The following PTPRD variants were observed in gnomAD, a reference collection of about 807,000 sequenced individuals.
PTPRD encodes protein tyrosine phosphatase receptor type D, also known as receptor-type tyrosine-protein phosphatase delta.
PTPRD carries 34 observed loss-of-function variants against 214.5 expected under a neutral mutation model. That is an observed-to-expected ratio of 0.16 (90% CI 0.12 to 0.21). PTPRD has a LOEUF of 0.21. Ranked by LOEUF, PTPRD falls within the 10% of genes least tolerant of loss-of-function variation. The pLI, the probability that PTPRD is intolerant of heterozygous loss-of-function variation, is 1.00. For synonymous variants in PTPRD, 1,128 were observed against 845.7 expected, an observed-to-expected ratio of 1.33 and a Z score of -5.79; for missense variants, 2,545 against 2,398.7, an observed-to-expected ratio of 1.06 and a Z score of -1.27.
chr9:8,618,914 GTT>G (rs554282961), intron 14 of PTPRD, among the ~76,000 whole-genome samples: 41,240 of 68,634 alleles, frequency 0.6, 11,962 homozygotes, highest in Non-Finnish European at 0.66. Context: ...GTGTTTTTTT[GTT>G]TTTTTTTTTT....
intron 44 of PTPRD, among the ~76,000 whole-genome samples, chr9:8,320,482 T>G (rs1354511679): frequency 6.6e-6 from 1 of 152,124 alleles, no homozygotes; most frequent in African/African-American, 2.4e-5. Context: ...ACACTGGTTT[T>G]ATTATGAGAA....
At chr9:8,467,360 T>C (rs887353785) in intron 31 of PTPRD, among the ~76,000 whole-genome samples, 3 of 151,820 alleles carry the variant, frequency 2.0e-5, no homozygotes, top group African/African-American at 7.2e-5. Context: ...GCTTTACTTA[T>C]AATACTGATA....
intron 5 of PTPRD, among the ~76,000 whole-genome samples, chr9:9,882,758 T>A (rs928265892): frequency 6.6e-6 from 1 of 151,832 alleles, no homozygotes; most frequent in Non-Finnish European, 1.5e-5. Context: ...CCCACCCTGA[T>A]GTGATTTGGA....
At chr9:8,337,678 G>T (rs1383832231) in intron 43 of PTPRD, among the ~76,000 whole-genome samples, 2 of 151,888 alleles carry the variant, frequency 1.3e-5, no homozygotes, top group East Asian at 1.9e-4. Context: ...AAAAAGGTGA[G>T]CAACTTCCGG....
intron 12 of PTPRD, among the ~76,000 whole-genome samples, chr9:8,643,981 G>T (rs901766785): frequency 6.6e-6 from 1 of 152,168 alleles, no homozygotes; most frequent in African/African-American, 2.4e-5. Flanking sequence ...GGAACTGGTG[G>T]TGCCTTTTCT....
At chr9:8,977,897 G>C (rs1589211673) in intron 11 of PTPRD, among the ~76,000 whole-genome samples, 1 of 152,138 alleles carries the variant, frequency 6.6e-6, no homozygotes. Context: ...TACAGAGAAA[G>C]GTGGCCAGTA....
intron 8 of PTPRD, among the ~76,000 whole-genome samples, chr9:9,541,865 T>C (rs1381979427): frequency 6.6e-6 from 1 of 151,710 alleles, no homozygotes; most frequent in Admixed American, 6.6e-5. Context: ...ACTGAGTAAC[T>C]ATTGAATGTT....
chr9:9,708,951 C>T (rs1021678772), intron 7 of PTPRD, among the ~76,000 whole-genome samples: 1 of 151,940 alleles, frequency 6.6e-6, no homozygotes, highest in Admixed American at 6.6e-5. Flanking sequence ...CTTAGAGACT[C>T]TCCAGATTAC....
chr9:8,451,054 C>T (rs755800645), intron 33 of PTPRD, among the ~76,000 whole-genome samples: 2 of 152,092 alleles, frequency 1.3e-5, no homozygotes, highest in South Asian at 2.1e-4. Context: ...CCACCCAGGT[C>T]GTTCTATGGT....
chr9:10,489,891 T>C lies in PTPRD; in HGVS notation c.-600+122507A>G, dbSNP rs538278055. ...GCTGGGGAATGGGGGAGGGATAGCA[T>C]TGGTGACTCCAGACTATTTTGCTTA... On this transcript the variant is annotated intron_variant, in intron 2 of 45. Coordinates refer to ENST00000381196, the MANE Select transcript of PTPRD (RefSeq NM_002839.4). Among the ~76,000 whole-genome samples the C allele has an allele frequency of 2.9e-3, 444 of 152,308 alleles. 3 individuals carry two copies. Among genetic ancestry groups the C allele is most frequent in the Non-Finnish European group, 5.0e-3 (341 of 68,026 alleles).
At chr9:8,931,677 A>G (rs1399281628) in intron 11 of PTPRD, among the ~76,000 whole-genome samples, 3 of 152,092 alleles carry the variant, frequency 2.0e-5, no homozygotes, top group Non-Finnish European at 4.4e-5. Context: ...TGCATGTCTC[A>G]TGAAATGAGT....
chr9:10,438,321 C>G (rs970989769), intron 2 of PTPRD, among the ~76,000 whole-genome samples: 1 of 151,468 alleles, frequency 6.6e-6, no homozygotes. Flanking sequence ...GATTTTTGGA[C>G]TTTATGATAG....
At chr9:9,043,421 T>G (rs88818) in intron 10 of PTPRD, among the ~76,000 whole-genome samples, 93,620 of 152,028 alleles carry the variant, frequency 0.62, 31,824 homozygotes, top group Non-Finnish European at 0.76. Context: ...ATTTGTCTAG[T>G]ATTTCATTAT....
intron 3 of PTPRD, among the ~76,000 whole-genome samples, chr9:10,089,646 A>G (rs1286430364): frequency 1.3e-5 from 2 of 151,658 alleles, no homozygotes; most frequent in Middle Eastern, 6.3e-3. Flanking sequence ...GAGTCATACA[A>G]CAGAATAAGG....
chr9:8,373,856 GTCTGTC>G (rs1564367506), intron 39 of PTPRD, among the ~76,000 whole-genome samples: 24 of 86,628 alleles, frequency 2.8e-4, no homozygotes, highest in Admixed American at 8.3e-4. Flanking sequence ...ATGTGTATGT[GTCTGTC>G]TGTCTATCTA....
chr9:9,545,950 A>G (rs991258737), intron 8 of PTPRD, among the ~76,000 whole-genome samples: 1 of 151,498 alleles, frequency 6.6e-6, no homozygotes, highest in Admixed American at 6.6e-5. Context: ...CCACTTTTTA[A>G]TTTTTTTTAT....
At chr9:10,564,664 C>G (rs192344188) in intron 2 of PTPRD, among the ~76,000 whole-genome samples, 1 of 152,050 alleles carries the variant, frequency 6.6e-6, no homozygotes, top group African/African-American at 2.4e-5. Flanking sequence ...GACTCAGGGG[C>G]TCACCAATAT....
At chr9:9,785,175 T>C (rs1430407541) in intron 5 of PTPRD, among the ~76,000 whole-genome samples, 1 of 152,010 alleles carries the variant, frequency 6.6e-6, no homozygotes, top group East Asian at 1.9e-4. Flanking sequence ...AATCTTATTG[T>C]ATAATAAATA....
At chr9:9,818,385 A>G (rs1262360667) in intron 5 of PTPRD, among the ~76,000 whole-genome samples, 2 of 152,120 alleles carry the variant, frequency 1.3e-5, no homozygotes, top group Non-Finnish European at 2.9e-5. Context: ...TCATTAACCA[A>G]GCTGGTGTGA....
Sources: gnomAD v4.1 joint callset for allele counts (sites outside exome capture counted in the v4.1 genomes callset) on GRCh38, gnomAD v4.1.1 for gene constraint, MANE v1.5 for transcripts, NCBI Gene and HGNC (gene_info 2026-07-23, HGNC 2026-07-21) for gene names.